SLC9A7: variants seen among roughly 807,000 people sequenced by gnomAD.
SLC9A7 encodes the protein sodium/hydrogen exchanger 7.
In SLC9A7, 19 loss-of-function variants were observed where a neutral mutation model predicts 52.6. The ratio of observed to expected loss-of-function variants is 0.36; its 90% CI spans 0.25 to 0.53. The LOEUF (loss-of-function observed/expected upper bound fraction) is 0.53, where lower values mean the gene tolerates loss of function less well. Among genes scored for constraint, SLC9A7 ranks in the 20% least tolerant of loss-of-function variants. The pLI is 0.91. For synonymous variants in SLC9A7, 226 were observed against 252.1 expected, an observed-to-expected ratio of 0.90 and a Z score of 0.98; for missense variants, 455 against 597.9, an observed-to-expected ratio of 0.76 and a Z score of 2.49.
At chrX:46,687,795 T>A (rs1944318479) in intron 1 of SLC9A7, among the ~76,000 whole-genome samples, 1 of 112,299 alleles carries the variant, frequency 8.9e-6, no homozygotes, top group Admixed American at 9.5e-5. Flanking sequence ...TGCACAATCA[T>A]CACTGCAATC....
intron 1 of SLC9A7, among the ~76,000 whole-genome samples, chrX:46,710,002 T>G (rs1045197653): frequency 8.9e-6 from 1 of 112,550 alleles, no homozygotes; most frequent in Non-Finnish European, 1.9e-5. Context: ...TGGAATACAT[T>G]TATCTCCAGG....
At chrX:46,621,583 A>G (rs1270835418) in intron 14 of SLC9A7, among the ~76,000 whole-genome samples, 1 of 111,093 alleles carries the variant, frequency 9.0e-6, no homozygotes, top group Non-Finnish European at 1.9e-5. Context: ...TTGTTTCCCC[A>G]CCAGCTTTAG....
chrX:46,742,985 AGG>A (rs1921473823), intron 1 of SLC9A7, among the ~76,000 whole-genome samples: 1 of 110,353 alleles, frequency 9.1e-6, no homozygotes, highest in Non-Finnish European at 1.9e-5. Context: ...CAGGAGTGTG[AGG>A]CTGCAGTGAG....
intron 1 of SLC9A7, among the ~76,000 whole-genome samples, chrX:46,692,106 A>G (rs1289684058): frequency 1.8e-5 from 2 of 111,589 alleles, no homozygotes; most frequent in African/African-American, 3.3e-5. Context: ...TTTAATAAGA[A>G]TTAAAAGACT....
intron 2 of SLC9A7, among the ~76,000 whole-genome samples, chrX:46,681,672 G>A (rs1944211793): frequency 8.9e-6 from 1 of 111,815 alleles, no homozygotes; most frequent in Non-Finnish European, 1.9e-5. Flanking sequence ...TGGTCTATAA[G>A]GTAATGGAGT....
chrX:46,646,350 T>C (rs993043749), intron 11 of SLC9A7, among the ~76,000 whole-genome samples: 3 of 111,938 alleles, frequency 2.7e-5, no homozygotes, highest in South Asian at 7.5e-4. Context: ...AAGGGGAGTT[T>C]TCCCTGGGCT....
chrX:46,725,468 C>G, intron 1 of SLC9A7: 1 of 1,043,389 alleles, frequency 9.6e-7, no homozygotes, highest in Non-Finnish European at 1.3e-6. Flanking sequence ...TGTGTGCCTT[C>G]TTCATTTCCT....
At chrX:46,741,037 A>G (rs1405086837) in intron 1 of SLC9A7, among the ~76,000 whole-genome samples, 5 of 112,324 alleles carry the variant, frequency 4.5e-5, no homozygotes, top group Non-Finnish European at 7.5e-5. Flanking sequence ...TGAAAATAAT[A>G]TCAAATGTAA....
chrX:46,728,067 G>A (rs183387268), intron 1 of SLC9A7, among the ~76,000 whole-genome samples: 3 of 111,524 alleles, frequency 2.7e-5, no homozygotes, highest in Admixed American at 9.6e-5. Context: ...CTGTGAGAGC[G>A]GTTAATTTGA....
chrX:46,634,804 C>T (rs1175908501), intron 13 of SLC9A7, among the ~76,000 whole-genome samples: 2 of 111,921 alleles, frequency 1.8e-5, no homozygotes, highest in Non-Finnish European at 3.8e-5. Context: ...ACTGCTTTCA[C>T]CACTGCCCTC....
chrX:46,681,474 G>T (rs147880955), intron 2 of SLC9A7, among the ~76,000 whole-genome samples: 35 of 112,266 alleles, frequency 3.1e-4, no homozygotes, highest in Middle Eastern at 4.6e-3. Context: ...TCCAGGTAGA[G>T]AATAATTTTC....
At position 46,675,001 on chromosome X, in the gene SLC9A7, A is replaced by G. The variant is rs185425870; in HGVS notation, c.604-2374T>C. Among the ~76,000 whole-genome samples the G allele has an allele frequency of 1.5e-3, 160 of 109,082 alleles. 2 individuals carry two copies. In the South Asian group the frequency reaches 0.041, roughly 28 times the overall value. 94.7% of individuals were successfully genotyped at this position (109,082 alleles called of 115,157 possible). A position where few individuals can be genotyped will look rare whatever the true frequency, so the allele number is the denominator to read the frequency against. ...CCATTCCTCACTGGCAAGTTTTAAC[A>G]TGTTATTGTATATGTGTGTGTGAGT... On this transcript the variant is annotated intron_variant, in intron 3 of 16. Coordinates refer to ENST00000616978, the MANE Select transcript of SLC9A7 (RefSeq NM_001257291.2).
In SLC9A7 at chrX:46,681,360, G is replaced by A. The variant is rs905934264; in HGVS notation, c.525+976C>T. 2.0e-4 allele frequency among the ~76,000 whole-genome samples: 22 copies of A among 111,997 alleles called. 1 individual carries two copies. Among genetic ancestry groups the A allele is most frequent in the South Asian group, 3.7e-4 (1 of 2,726 alleles). ...TACATTGGATTTCATTCTCAGTTGC[G>A]CTGAATTTCAGAATGTTTATGAAAA... is the stretch of plus-strand genomic sequence containing the variant. On this transcript the variant is annotated intron_variant, in intron 2 of 16. Transcript: ENST00000616978.
intron 1 of SLC9A7, among the ~76,000 whole-genome samples, chrX:46,757,320 G>A (rs781942246): frequency 4.5e-5 from 5 of 111,798 alleles, no homozygotes; most frequent in African/African-American, 6.5e-5. Flanking sequence ...CCTATAATTC[G>A]CAATCACCAA....
chrX:46,720,869 C>G lies in SLC9A7; in HGVS notation c.325+37836G>C, dbSNP rs180786518. On this transcript the variant is annotated intron_variant, in intron 1 of 16. Coordinates refer to ENST00000616978, the MANE Select transcript of SLC9A7 (RefSeq NM_001257291.2). ...TGATATAACAAAGCAAAACCACCTACGTTTTTAGACTGCCAAGACTATATC... is the reference window on the plus strand; with the variant it reads ...TGATATAACAAAGCAAAACCACCTAGGTTTTTAGACTGCCAAGACTATATC... Among the ~76,000 whole-genome samples, 328 of 111,718 alleles carry G rather than the reference C, an allele frequency of 2.9e-3. 1 individual carries two copies. The highest frequency in any genetic ancestry group is 5.3e-3 in the Non-Finnish European group (281 of 53,150).
intron 7 of SLC9A7, among the ~76,000 whole-genome samples, chrX:46,661,233 A>C (rs956526226): frequency 2.8e-5 from 3 of 107,792 alleles, no homozygotes; most frequent in Admixed American, 2.0e-4. Flanking sequence ...GGGGTGGGGG[A>C]AGGGGGGAGG....
At chrX:46,671,407 C>T (rs1168257595) in intron 4 of SLC9A7, among the ~76,000 whole-genome samples, 1 of 109,289 alleles carries the variant, frequency 9.2e-6, no homozygotes, top group Non-Finnish European at 1.9e-5. Flanking sequence ...ACTACAGGCG[C>T]CCGCCACCAC....
At chrX:46,752,208 T>C (rs1179567080) in intron 1 of SLC9A7, among the ~76,000 whole-genome samples, 2 of 111,626 alleles carry the variant, frequency 1.8e-5, no homozygotes, top group African/African-American at 6.5e-5. Context: ...ATTCATATAC[T>C]TTACCCCTGA....
intron 1 of SLC9A7, among the ~76,000 whole-genome samples, chrX:46,719,221 A>G (rs901551757): frequency 2.0e-5 from 2 of 101,297 alleles, no homozygotes; most frequent in African/African-American, 3.6e-5. Flanking sequence ...GCATATTCTC[A>G]CTGATAGGTG....
Sources: gnomAD v4.1 joint callset for allele counts (sites outside exome capture counted in the v4.1 genomes callset) on GRCh38, gnomAD v4.1.1 for gene constraint, MANE v1.5 for transcripts, NCBI Gene and HGNC (gene_info 2026-07-23, HGNC 2026-07-21) for gene names.